E4F1: variants seen among roughly 807,000 people sequenced by gnomAD.
The protein encoded by E4F1 is transcription factor E4F1.
A neutral mutation model predicts 72.9 loss-of-function variants in E4F1; 30 were observed. The ratio of observed to expected loss-of-function variants is 0.41; its 90% CI spans 0.31 to 0.56. E4F1 has a LOEUF of 0.56. Ranked by LOEUF, E4F1 falls within the 20% of genes least tolerant of loss-of-function variation. The pLI, the probability that E4F1 is intolerant of heterozygous loss-of-function variation, is 0.25. For missense variants in E4F1, 1,091 were observed against 1,117.5 expected, an observed-to-expected ratio of 0.98 and a Z score of 0.34; for synonymous variants, 542 against 478.2, an observed-to-expected ratio of 1.13 and a Z score of -1.74.
In E4F1 at chr16:2,233,949, C is replaced by G; in HGVS notation, c.1334C>G (p.Pro445Arg). The change falls in exon 9 of 14, where the codon CCG (proline) becomes CGG (arginine). Residue 445 changes from proline (P) to arginine (R), a missense_variant. By Grantham distance (103) the Pro-to-Arg change is moderately radical. Transcript: ENST00000301727. ...TGTCCTCAGTGCAGTGAGACCTTCCCGACAGCAGCCACCCTGGAGGCCCAC... is the reference window on the plus strand; with the variant it reads ...TGTCCTCAGTGCAGTGAGACCTTCCGGACAGCAGCCACCCTGGAGGCCCAC... ...HPCPQCSETFPTAATLEAHKR... is the reference protein window; with the variant it reads ...HPCPQCSETFRTAATLEAHKR... 1 of 1,601,604 alleles carries G rather than the reference C, an allele frequency of 6.2e-7. No individual in the cohort carries two copies. The highest frequency in any genetic ancestry group is 8.5e-7 in the Non-Finnish European group (1 of 1,174,530).
chr16:2,231,150 G>C (rs26838), intron 3 of E4F1: 75,143 of 152,508 alleles, frequency 0.49, 18,765 homozygotes, highest in East Asian at 0.55. Context: ...GGAGATGGCA[G>C]AGGGTCCTGC....
At chr16:2,224,266 G>T (rs1427282401) in intron 1 of E4F1, among the ~76,000 whole-genome samples, 1 of 152,196 alleles carries the variant, frequency 6.6e-6, no homozygotes. Flanking sequence ...CCAGCCTGTG[G>T]CCCCTTCCAG....
chr16:2,233,499 A>T lies in E4F1; in HGVS notation c.1118A>T (p.Gln373Leu). 1 of 1,512,332 alleles carries T rather than the reference A, an allele frequency of 6.6e-7. No individual in the cohort carries two copies. The highest frequency in any genetic ancestry group is 8.8e-7 in the Non-Finnish European group (1 of 1,132,182). The allele number at this position is 1,512,332 out of a possible 1,614,324, so 93.7% of individuals were successfully genotyped here. Reference sequence around the variant, plus strand: ...GGCAGCCGTGAGAACCTGCTGCACCAGGCCATGCAGAACTCCGGCATCGTC... The same window carrying T: ...GGCAGCCGTGAGAACCTGCTGCACCTGGCCATGCAGAACTCCGGCATCGTC... Reference protein sequence around the residue: ...SEGSRENLLHQAMQNSGIVLE... With the variant: ...SEGSRENLLHLAMQNSGIVLE... Residue 373 changes from glutamine (Q) to leucine (L), a missense_variant, in exon 8 of 14, where the codon CAG becomes CTG. Physicochemically the swap from Gln to Leu is moderately radical, Grantham distance 113 (BLOSUM62 -2). Coordinates refer to ENST00000301727, the MANE Select transcript of E4F1 (RefSeq NM_004424.5).
intron 2 of E4F1, among the ~76,000 whole-genome samples, chr16:2,228,886 C>T (rs1022047342): frequency 1.5e-4 from 23 of 152,222 alleles, no homozygotes; most frequent in African/African-American, 4.8e-4. Flanking sequence ...GGACTTCACA[C>T]GTGAAGTGTG....
chr16:2,223,776 C>A lies in E4F1; in HGVS notation c.157+6C>A. Reference sequence around the variant, plus strand: ...GGCGCCCTTCAGCGAGGAAGGTAACCGGGCCGACCCGGAGGGTGCGGCCGG... The same window carrying A: ...GGCGCCCTTCAGCGAGGAAGGTAACAGGGCCGACCCGGAGGGTGCGGCCGG... On this transcript the variant is annotated splice_donor_region_variant and intron_variant, in intron 1 of 13. Transcript: ENST00000301727. The A allele has an allele frequency of 6.5e-7, 1 of 1,533,234 alleles. No homozygotes were observed. The highest frequency in any genetic ancestry group is 1.2e-5 in the South Asian group (1 of 83,422). 95.0% of individuals were successfully genotyped at this position (1,533,234 alleles called of 1,614,324 possible).
rs764615401 is a variant in E4F1 at position 2,234,812 on chromosome 16, G to A, written c.1792+31G>A. The A allele has an allele frequency of 2.3e-5, 35 of 1,542,754 alleles. 1 individual carries two copies. The highest frequency in any genetic ancestry group is 1.7e-5 in the Non-Finnish European group (19 of 1,142,950). ...GGCCGGTGGAGGTGGGAGGGGGAGG[G>A]GAGGGGGCCGGGGCTTGCCTAGCCC... On this transcript the variant is annotated intron_variant, in intron 11 of 13. Transcript: ENST00000301727.
Position 2,232,533 on chromosome 16 carries a change from C to T in E4F1, c.687C>T (p.Phe229=), listed in dbSNP as rs1567301973. The T allele has an allele frequency of 1.2e-6, 2 of 1,612,280 alleles. No homozygotes were observed. The highest frequency in any genetic ancestry group is 1.7e-6 in the Non-Finnish European group (2 of 1,179,692). Residue 229 remains phenylalanine (F), a synonymous_variant, in exon 5 of 14, where the codon TTC becomes TTT. Transcript: ENST00000301727. ...DHECKLCGAS[F]RTKGSLIRHH... Reference sequence around the variant, plus strand: ...AGTGCAAGCTCTGTGGGGCCTCCTTCCGCACCAAGGGCTCACTCATCCGGC... The same window carrying T: ...AGTGCAAGCTCTGTGGGGCCTCCTTTCGCACCAAGGGCTCACTCATCCGGC...
chr16:2,225,145 G>A (rs1197784662), intron 1 of E4F1, among the ~76,000 whole-genome samples: 6 of 152,008 alleles, frequency 3.9e-5, no homozygotes, highest in Non-Finnish European at 7.4e-5. Context: ...CCCAGGAGAC[G>A]GAGGTCGCAG....
chr16:2,228,598 G>T, intron 2 of E4F1, 75 bp downstream of exon 2: 2 of 1,541,310 alleles, frequency 1.3e-6, no homozygotes, highest in Non-Finnish European at 8.8e-7. Context: ...GCTTCAGGAT[G>T]GACCTGTGCA....
Position 2,232,326 on chromosome 16 carries a change from C to T in E4F1, c.571C>T (p.Arg191Cys), listed in dbSNP as rs1308011980. The T allele has an allele frequency of 8.7e-6, 14 of 1,608,702 alleles. No homozygotes were observed. Among genetic ancestry groups the T allele is most frequent in the Admixed American group, 1.7e-5 (1 of 59,642 alleles). ...GAAGCTACTGGTGAACAAGGATGGC[C>T]GCTATGTGTGTGCGCTGTGCCACAA... ...QVKLLVNKDG[R>C]YVCALCHKTF... The change falls in exon 4 of 14, where the codon CGC becomes TGC. Residue 191 changes from arginine to cysteine, a missense_variant. This residue lies in a region of E4F1 where 362 missense variants were observed against 358.6 expected (regional missense o/e 1.01). Coordinates refer to ENST00000301727, the MANE Select transcript of E4F1 (RefSeq NM_004424.5).
chr16:2,228,586 G>A (rs746234698), intron 2 of E4F1, 63 bp downstream of exon 2: 45 of 1,567,820 alleles, frequency 2.9e-5, no homozygotes, highest in African/African-American at 5.4e-5. Context: ...GGAGGTGGCC[G>A]CGCTTCAGGA....
intron 1 of E4F1, among the ~76,000 whole-genome samples, chr16:2,224,938 C>T (rs2141428044): frequency 6.6e-6 from 1 of 150,844 alleles, no homozygotes; most frequent in South Asian, 2.1e-4. Context: ...TGTGGCCAGG[C>T]GCAGTGGCTC....
intron 1 of E4F1, among the ~76,000 whole-genome samples, chr16:2,225,894 G>T (rs1359145734): frequency 6.6e-6 from 1 of 151,540 alleles, no homozygotes; most frequent in East Asian, 1.9e-4. Flanking sequence ...AGGAGATCGA[G>T]ACCACCCTGG....
chr16:2,228,201 T>C (rs949234385), intron 1 of E4F1, 171 bp from the exon 2 acceptor site: 11 of 854,800 alleles, frequency 1.3e-5, no homozygotes, highest in Middle Eastern at 2.2e-4. Flanking sequence ...GGCTGTACCT[T>C]GGGATGACCT....
chr16:2,226,848 G>A (rs1226342150), intron 1 of E4F1, among the ~76,000 whole-genome samples: 1 of 152,190 alleles, frequency 6.6e-6, no homozygotes, highest in African/African-American at 2.4e-5. Flanking sequence ...CAATGGTGAC[G>A]GGCTCAACCT....
chr16:2,228,323 T>TGCCCA, intron 1 of E4F1, 49 bp from the exon 2 acceptor site: 1 of 1,610,934 alleles, frequency 6.2e-7, no homozygotes, highest in Non-Finnish European at 8.5e-7. Flanking sequence ...GAGCCCTGGC[T>TGCCCA]GCCCAGCCTC....
intron 1 of E4F1, among the ~76,000 whole-genome samples, chr16:2,228,017 C>G (rs1212601211): frequency 6.6e-6 from 1 of 152,106 alleles, no homozygotes; most frequent in Non-Finnish European, 1.5e-5. Context: ...ATGGAGGAGT[C>G]CCTCTGCCTC....
chr16:2,234,005 G>A lies in E4F1; in HGVS notation c.1375+15G>A, dbSNP rs1214842379. 3 of 1,573,562 alleles carry A rather than the reference G, an allele frequency of 1.9e-6. No homozygotes were observed. Among genetic ancestry groups the A allele is most frequent in the Non-Finnish European group, 1.7e-6 (2 of 1,159,152 alleles). ...GGGCCACACCGGTAGGTGATGGGTGGGTGTGTGGCCCATGGCAGTGGATGG... is the reference window on the plus strand; with the variant it reads ...GGGCCACACCGGTAGGTGATGGGTGAGTGTGTGGCCCATGGCAGTGGATGG... On this transcript the variant is annotated intron_variant, in intron 9 of 13. Coordinates refer to ENST00000301727, the MANE Select transcript of E4F1 (RefSeq NM_004424.5).
intron 10 of E4F1, 38 bp from the exon 11 acceptor site, chr16:2,234,545 G>A: frequency 1.3e-6 from 2 of 1,557,306 alleles, no homozygotes; most frequent in Non-Finnish European, 1.7e-6. Flanking sequence ...AGTCTGTTGT[G>A]GCCAAGGCCA....
Sources: gnomAD v4.1 joint callset for allele counts (sites outside exome capture counted in the v4.1 genomes callset) on GRCh38, gnomAD v4.1.1 for gene constraint, gnomAD v4.1.1 regional missense constraint, MANE v1.5 for transcripts, NCBI Gene and HGNC (gene_info 2026-07-23, HGNC 2026-07-21) for gene names.